The following KCNIP4 variants were observed in gnomAD, a reference collection of about 807,000 sequenced individuals.
The protein encoded by KCNIP4 is potassium voltage-gated channel interacting protein 4, also known as Kv channel-interacting protein 4.
A neutral mutation model predicts 34.0 loss-of-function variants in KCNIP4; 12 were observed. That is an observed-to-expected ratio of 0.35 (90% confidence interval 0.23 to 0.57). The LOEUF is 0.57. Ranked by LOEUF, KCNIP4 falls within the 20% of genes least tolerant of loss-of-function variation. The pLI, the probability that KCNIP4 is intolerant of heterozygous loss-of-function variation, is 0.83. For synonymous variants in KCNIP4, 124 were observed against 102.2 expected (o/e 1.21, Z -1.29); for missense variants, 238 against 311.7 (o/e 0.76, Z 1.78).
chr4:21,802,891 C>G lies in KCNIP4; in HGVS notation c.61+145680G>C, dbSNP rs1044315834. On this transcript the variant is annotated intron_variant, in intron 1 of 8. Transcript: ENST00000382152. ...AGCCTTCCTATTCAACTGATAGAGTCAGCTTTAAAATTACTGATCCTGGAA... is the reference window on the plus strand; with the variant it reads ...AGCCTTCCTATTCAACTGATAGAGTGAGCTTTAAAATTACTGATCCTGGAA... Among the ~76,000 whole-genome samples, 16 of 152,264 alleles carry G rather than the reference C, an allele frequency of 1.1e-4. No homozygotes were observed. The East Asian group carries it at 2.7e-3, about 26-fold the overall frequency.
intron 1 of KCNIP4, among the ~76,000 whole-genome samples, chr4:21,208,515 C>T (rs1041343275): frequency 8.5e-5 from 13 of 152,314 alleles, no homozygotes; most frequent in Admixed American, 8.5e-4. Flanking sequence ...GCTTCAACCA[C>T]ACCTGCCTTT....
chr4:21,363,400 G>A (rs961831611), intron 1 of KCNIP4, among the ~76,000 whole-genome samples: 8 of 152,098 alleles, frequency 5.3e-5, no homozygotes, highest in African/African-American at 1.9e-4. Flanking sequence ...CCTCACAGGG[G>A]TTTATCCTTG....
chr4:21,329,459 T>TCTGA (rs1447706023), intron 1 of KCNIP4, among the ~76,000 whole-genome samples: 4 of 152,206 alleles, frequency 2.6e-5, no homozygotes, highest in Non-Finnish European at 5.9e-5. Flanking sequence ...ACATCAGAGC[T>TCTGA]TGTGTTAGGT....
chr4:21,045,546 A>G (rs147475729), intron 1 of KCNIP4, among the ~76,000 whole-genome samples: 177 of 152,330 alleles, frequency 1.2e-3, no homozygotes, highest in African/African-American at 4.1e-3. Context: ...AGAAAGAGTC[A>G]AAGACAAAAT....
At chr4:21,065,270 C>T (rs1202070211) in intron 1 of KCNIP4, among the ~76,000 whole-genome samples, 1 of 152,124 alleles carries the variant, frequency 6.6e-6, no homozygotes, top group Non-Finnish European at 1.5e-5. Context: ...AGTGTTAAAT[C>T]TAATTGAAGA....
chr4:21,828,694 C>T (rs1465944301), intron 1 of KCNIP4, among the ~76,000 whole-genome samples: 1 of 151,710 alleles, frequency 6.6e-6, no homozygotes, highest in African/African-American at 2.4e-5. Flanking sequence ...AGTAAAGGCA[C>T]CATGAAATCA....
intron 1 of KCNIP4, among the ~76,000 whole-genome samples, chr4:21,509,216 C>T (rs558882788): frequency 2.6e-5 from 4 of 152,066 alleles, no homozygotes; most frequent in African/African-American, 9.7e-5. Flanking sequence ...ATGTAAGGGG[C>T]CCTTTACATT....
At chr4:21,929,887 T>C (rs971143761) in intron 1 of KCNIP4, among the ~76,000 whole-genome samples, 4 of 152,176 alleles carry the variant, frequency 2.6e-5, no homozygotes, top group African/African-American at 9.7e-5. Flanking sequence ...TCCACAGTAC[T>C]ACTCTTGGCT....
chr4:21,366,531 C>G (rs1335082759), intron 1 of KCNIP4, among the ~76,000 whole-genome samples: 2 of 152,292 alleles, frequency 1.3e-5, no homozygotes, highest in Non-Finnish European at 1.5e-5. Flanking sequence ...AGACAGAGCA[C>G]TAACGATGGG....
chr4:21,137,879 T>TC, intron 1 of KCNIP4, among the ~76,000 whole-genome samples: 2 of 113,050 alleles, frequency 1.8e-5, no homozygotes, highest in African/African-American at 6.2e-5. Context: ...GGCTTTTTTG[T>TC]TTTTTTTTTT....
At chr4:21,335,656 T>C (rs1260258366) in intron 1 of KCNIP4, among the ~76,000 whole-genome samples, 1 of 152,212 alleles carries the variant, frequency 6.6e-6, no homozygotes, top group East Asian at 1.9e-4. Context: ...TTAAAAAGTA[T>C]AAATCCAAGT....
At chr4:20,983,753 C>A in intron 1 of KCNIP4, 1 of 1,339,056 alleles carries the variant, frequency 7.5e-7, no homozygotes. Context: ...ACTTCTGCAG[C>A]ATCTGTATCT....
At chr4:21,357,909 G>A (rs1718808974) in intron 1 of KCNIP4, among the ~76,000 whole-genome samples, 1 of 152,050 alleles carries the variant, frequency 6.6e-6, no homozygotes, top group Admixed American at 6.6e-5. Context: ...GCAAAAACTT[G>A]GAACTAACCC....
At chr4:21,727,002 G>C (rs1715243100) in intron 1 of KCNIP4, among the ~76,000 whole-genome samples, 1 of 152,098 alleles carries the variant, frequency 6.6e-6, no homozygotes, top group African/African-American at 2.4e-5. Context: ...GCACTACACA[G>C]TGCAAAAATT....
chr4:21,833,514 G>C (rs1419770926), intron 1 of KCNIP4, among the ~76,000 whole-genome samples: 1 of 152,118 alleles, frequency 6.6e-6, no homozygotes, highest in Non-Finnish European at 1.5e-5. Context: ...TGAGTAGGTT[G>C]TGAAAATTTT....
At chr4:21,079,683 A>G (rs1050024603) in intron 1 of KCNIP4, among the ~76,000 whole-genome samples, 2 of 151,918 alleles carry the variant, frequency 1.3e-5, no homozygotes, top group South Asian at 2.1e-4. Flanking sequence ...AATGGAATTA[A>G]GGTTGCTAAT....
At chr4:21,699,570 G>A (rs776844908) in intron 1 of KCNIP4, among the ~76,000 whole-genome samples, 1 of 152,140 alleles carries the variant, frequency 6.6e-6, no homozygotes, top group South Asian at 2.1e-4. Context: ...GGAACTGACC[G>A]TGAGATGTTT....
At chr4:21,860,992 C>G (rs189832366) in intron 1 of KCNIP4, among the ~76,000 whole-genome samples, 2 of 152,276 alleles carry the variant, frequency 1.3e-5, no homozygotes, top group African/African-American at 4.8e-5. Context: ...CAAATGGCAA[C>G]TATATTTTCC....
At chr4:20,996,657 C>G (rs932880948) in intron 1 of KCNIP4, among the ~76,000 whole-genome samples, 4 of 152,196 alleles carry the variant, frequency 2.6e-5, no homozygotes, top group African/African-American at 9.7e-5. Context: ...CCTGACCACA[C>G]TATCAGAAGG....
Sources: allele counts gnomAD v4.1 joint callset (sites outside exome capture counted in the v4.1 genomes callset), GRCh38; gene constraint gnomAD v4.1.1; transcripts MANE v1.5; gene names NCBI Gene and HGNC (gene_info 2026-07-23, HGNC 2026-07-21).